Variants in MYO1B observed in about 807,000 individuals in gnomAD.
MYO1B encodes unconventional myosin-Ib.
Under a neutral mutation model 159.7 loss-of-function variants are expected in MYO1B, and 72 were observed. The ratio of observed to expected loss-of-function variants is 0.45; its 90% CI spans 0.37 to 0.55. The LOEUF (loss-of-function observed/expected upper bound fraction) is 0.55, where lower values mean the gene tolerates loss of function less well. Among genes scored for constraint, MYO1B ranks in the 20% least tolerant of loss-of-function variants. The pLI is 0.00. For synonymous variants in MYO1B, 468 were observed against 473.8 expected, an observed-to-expected ratio of 0.99 and a Z score of 0.16; for missense variants, 1,062 against 1,364.8, an observed-to-expected ratio of 0.78 and a Z score of 3.50.
chr2:191,354,368 TTTG>T (rs1173867896), intron 7 of MYO1B, among the ~76,000 whole-genome samples: 2 of 151,680 alleles, frequency 1.3e-5, no homozygotes, highest in African/African-American at 2.4e-5. Context: ...AGTTAAGAGT[TTTG>T]TTGAGAAATA....
intron 3 of MYO1B, among the ~76,000 whole-genome samples, chr2:191,312,454 G>A (rs1690063930): frequency 6.6e-6 from 1 of 152,176 alleles, no homozygotes. Flanking sequence ...GGTCCATATT[G>A]TGCATTCTGT....
intron 1 of MYO1B, among the ~76,000 whole-genome samples, chr2:191,267,286 C>T (rs1223340414): frequency 6.6e-6 from 1 of 152,176 alleles, no homozygotes; most frequent in Non-Finnish European, 1.5e-5. Flanking sequence ...CTGGTAATTT[C>T]ATGTCCTTTG....
intron 24 of MYO1B, 78 bp downstream of exon 24, chr2:191,402,796 G>A: frequency 9.0e-7 from 1 of 1,109,758 alleles, no homozygotes. Flanking sequence ...GAAAATGATT[G>A]ATTATGCTTG....
intron 30 of MYO1B, among the ~76,000 whole-genome samples, chr2:191,421,122 T>C (rs1048777824): frequency 6.7e-6 from 1 of 150,194 alleles, no homozygotes; most frequent in South Asian, 2.1e-4. Flanking sequence ...TAGGCTCGAG[T>C]GCAGTGGCGA....
chr2:191,254,935 T>C (rs1438010716), intron 1 of MYO1B, among the ~76,000 whole-genome samples: 1 of 152,148 alleles, frequency 6.6e-6, no homozygotes, highest in African/African-American at 2.4e-5. Flanking sequence ...TTTGTTTTTG[T>C]TTTTGTTTTA....
chr2:191,247,885 C>A, intron 1 of MYO1B: 1 of 973,248 alleles, frequency 1.0e-6, no homozygotes, highest in Non-Finnish European at 1.2e-6. Context: ...AGGCTGTATC[C>A]CCTTCCCAGG....
At chr2:191,395,465 G>T (rs1299159391) in intron 20 of MYO1B, among the ~76,000 whole-genome samples, 2 of 152,180 alleles carry the variant, frequency 1.3e-5, no homozygotes, top group African/African-American at 4.8e-5. Context: ...CAGAGAAGGG[G>T]GGCTGAGCCA....
intron 2 of MYO1B, among the ~76,000 whole-genome samples, chr2:191,295,622 A>G (rs916948561): frequency 6.6e-6 from 1 of 152,182 alleles, no homozygotes; most frequent in Non-Finnish European, 1.5e-5. Context: ...GGAAAGATTG[A>G]CAGACTTGCA....
chr2:191,334,084 T>C (rs1025148471), intron 4 of MYO1B, among the ~76,000 whole-genome samples: 2 of 151,916 alleles, frequency 1.3e-5, no homozygotes, highest in Admixed American at 1.3e-4. Context: ...TTACATTCTT[T>C]AGCTTTTTAG....
intron 2 of MYO1B, among the ~76,000 whole-genome samples, chr2:191,281,929 G>A (rs1688086451): frequency 2.0e-5 from 3 of 152,136 alleles, no homozygotes; most frequent in African/African-American, 7.2e-5. Flanking sequence ...TACTTTAAAA[G>A]TATAGGAAAA....
intron 30 of MYO1B, among the ~76,000 whole-genome samples, chr2:191,421,708 T>C (rs1368309784): frequency 6.6e-6 from 1 of 152,228 alleles, no homozygotes; most frequent in Non-Finnish European, 1.5e-5. Context: ...ACTCCTGGCC[T>C]CAAGTTACCT....
At chr2:191,261,963 AAAAT>A (rs891402313) in intron 1 of MYO1B, among the ~76,000 whole-genome samples, 8 of 152,210 alleles carry the variant, frequency 5.3e-5, no homozygotes, top group African/African-American at 1.9e-4. Flanking sequence ...GACTTAAAAA[AAAAT>A]AAGCCAAATT....
chr2:191,347,386 A>G (rs1042530058), intron 6 of MYO1B, among the ~76,000 whole-genome samples: 1 of 152,254 alleles, frequency 6.6e-6, no homozygotes, highest in Non-Finnish European at 1.5e-5. Flanking sequence ...ATCTCATTAC[A>G]TAAATAGAAT....
intron 23 of MYO1B, among the ~76,000 whole-genome samples, chr2:191,401,075 A>G (rs1464697663): frequency 2.6e-5 from 4 of 152,108 alleles, no homozygotes; most frequent in African/African-American, 9.7e-5. Context: ...ATTGCTCTTT[A>G]AAACAAAACA....
chr2:191,383,473 T>TATATATACACACAC (rs1170563038), intron 15 of MYO1B, 131 bp downstream of exon 15: 6 of 119,850 alleles, frequency 5.0e-5, no homozygotes, highest in African/African-American at 1.9e-4. Flanking sequence ...TATATATATA[T>TATATATACACACAC]ACACACACAC....
chr2:191,416,066 C>A (rs747061805), intron 29 of MYO1B, 49 bp from the exon 30 acceptor site: 1 of 1,581,944 alleles, frequency 6.3e-7, no homozygotes, highest in Admixed American at 1.9e-5. Context: ...TAAATATTGA[C>A]CTTCTAAGGT....
At chr2:191,361,283 G>C (rs1693655893) in intron 8 of MYO1B, among the ~76,000 whole-genome samples, 1 of 152,182 alleles carries the variant, frequency 6.6e-6, no homozygotes, top group South Asian at 2.1e-4. Context: ...AAATTATCAG[G>C]GTTCTAATTA....
chr2:191,363,629 G>C, intron 9 of MYO1B, 99 bp from the exon 10 acceptor site: 1 of 1,433,372 alleles, frequency 7.0e-7, no homozygotes. Context: ...TCTTTTATGG[G>C]TTTTTTTCCC....
intron 1 of MYO1B, among the ~76,000 whole-genome samples, chr2:191,273,865 T>A (rs1687600381): frequency 6.6e-6 from 1 of 152,220 alleles, no homozygotes; most frequent in African/African-American, 2.4e-5. Flanking sequence ...AGCAAGTGAT[T>A]CTGAAACTTG....
Sources: gnomAD v4.1 joint callset for allele counts (sites outside exome capture counted in the v4.1 genomes callset) on GRCh38, gnomAD v4.1.1 for gene constraint, MANE v1.5 for transcripts, NCBI Gene and HGNC (gene_info 2026-07-23, HGNC 2026-07-21) for gene names.